Variants in PHF2 observed in about 807,000 individuals in gnomAD.
PHF2 encodes lysine-specific demethylase PHF2.
In PHF2, 27 loss-of-function variants were observed where a neutral mutation model predicts 120.5. That is an observed-to-expected ratio of 0.22 (90% CI 0.17 to 0.31). The LOEUF (loss-of-function observed/expected upper bound fraction) is 0.31. PHF2 is among the 10% of genes least tolerant of loss of function. The probability of loss-of-function intolerance (pLI) is 1.00; values close to 1 mark genes in which losing one functional copy is unlikely to be tolerated. For missense variants in PHF2, 1,024 were observed against 1,434.8 expected, an observed-to-expected ratio of 0.71 and a Z score of 4.63; for synonymous variants, 568 against 592.5, an observed-to-expected ratio of 0.96 and a Z score of 0.60.
intron 1 of PHF2, among the ~76,000 whole-genome samples, chr9:93,629,485 C>T (rs193260178): frequency 4.5e-4 from 68 of 152,196 alleles, no homozygotes; most frequent in Admixed American, 4.2e-3. Context: ...TGTCCTAAGG[C>T]CAGGCTGGTA....
chr9:93,607,134 G>A (rs1825555852), intron 1 of PHF2, among the ~76,000 whole-genome samples: 1 of 152,210 alleles, frequency 6.6e-6, no homozygotes, highest in Admixed American at 6.5e-5. Flanking sequence ...AAGTCATGGA[G>A]TGTCAGTCCT....
At chr9:93,587,770 T>G (rs72745445) in intron 1 of PHF2, among the ~76,000 whole-genome samples, 1 of 152,152 alleles carries the variant, frequency 6.6e-6, no homozygotes, top group Non-Finnish European at 1.5e-5. Flanking sequence ...AGTGTTGTTA[T>G]GTGACTCTCA....
At chr9:93,653,893 G>A (rs1194702785) in intron 6 of PHF2, among the ~76,000 whole-genome samples, 1 of 152,208 alleles carries the variant, frequency 6.6e-6, no homozygotes, top group East Asian at 1.9e-4. Context: ...ACCTGGATCT[G>A]GGGGCGGGCA....
Position 93,660,527 on chromosome 9 carries a change from A to G in PHF2, c.1665A>G (p.Ala555=). Residue 555 remains alanine, a synonymous_variant, in exon 12 of 22, where the codon GCA becomes GCG. Coordinates refer to ENST00000359246, the MANE Select transcript of PHF2 (RefSeq NM_005392.4). The part of the protein sequence containing the change: ...LDLLEAHTKE[A]LTKMEPPKKG... ...TGCTCGAAGCCCACACCAAGGAGGCACTGACCAAGATGGAGCCGCCCAAGA... is the reference window on the plus strand; with the variant it reads ...TGCTCGAAGCCCACACCAAGGAGGCGCTGACCAAGATGGAGCCGCCCAAGA... 6.3e-7 allele frequency: 1 copy of G among 1,591,460 alleles called. No individual in the cohort carries two copies.
At position 93,676,580 on chromosome 9, in the gene PHF2, T is replaced by C. The variant is rs1587725566; in HGVS notation, c.2833-14T>C. On this transcript the variant is annotated splice_polypyrimidine_tract_variant and intron_variant, in intron 20 of 21. Coordinates refer to ENST00000359246, the MANE Select transcript of PHF2 (RefSeq NM_005392.4). ...GCTGTGCGTCTGAGGCTGCCCTGCA[T>C]GTTTTGTTCAAAGGAGGAGCAGAAA... is the stretch of plus-strand genomic sequence containing the variant. 11 of 1,578,704 alleles carry C rather than the reference T, an allele frequency of 7.0e-6. No individual in the cohort carries two copies. In the East Asian group the frequency reaches 2.5e-4, roughly 36 times the overall value.
intron 5 of PHF2, 82 bp downstream of exon 5, chr9:93,649,294 A>G: frequency 8.4e-7 from 1 of 1,197,556 alleles, no homozygotes; most frequent in Non-Finnish European, 1.2e-6. Context: ...CCTGAGAAGC[A>G]CAGGTCGAAG....
intron 4 of PHF2, 67 bp downstream of exon 4, chr9:93,645,856 G>T: frequency 6.7e-7 from 1 of 1,483,648 alleles, no homozygotes. Flanking sequence ...CCACCACTGT[G>T]CATGCTGTTT....
At chr9:93,644,386 T>TG (rs1826217985) in intron 3 of PHF2, among the ~76,000 whole-genome samples, 1 of 92,660 alleles carries the variant, frequency 1.1e-5, no homozygotes, top group Non-Finnish European at 2.2e-5. Flanking sequence ...AAACTCCATC[T>TG]CAAAAAAAAA....
intron 1 of PHF2, among the ~76,000 whole-genome samples, chr9:93,617,549 C>T (rs1332668393): frequency 2.6e-5 from 4 of 152,224 alleles, no homozygotes; most frequent in Non-Finnish European, 2.9e-5. Flanking sequence ...CTGAATTCTA[C>T]ACTCCCCGCC....
chr9:93,673,316 G>A (rs745612720), intron 17 of PHF2, among the ~76,000 whole-genome samples: 5 of 151,984 alleles, frequency 3.3e-5, no homozygotes, highest in Admixed American at 6.6e-5. Context: ...GCTGTCTTCC[G>A]TCTCCTCTCC....
chr9:93,639,178 A>T (rs1826137973), intron 3 of PHF2, among the ~76,000 whole-genome samples: 1 of 152,212 alleles, frequency 6.6e-6, no homozygotes, highest in African/African-American at 2.4e-5. Context: ...TTTCCATCTT[A>T]ACAGTGTTAA....
intron 1 of PHF2, among the ~76,000 whole-genome samples, chr9:93,617,636 G>T (rs1402050819): frequency 6.6e-6 from 1 of 152,192 alleles, no homozygotes; most frequent in Non-Finnish European, 1.5e-5. Flanking sequence ...TAGAGGGACA[G>T]AACTAATAGA....
At chr9:93,659,741 T>G (rs1004557358) in intron 11 of PHF2, 141 bp downstream of exon 11, 9 of 735,864 alleles carry the variant, frequency 1.2e-5, no homozygotes, top group African/African-American at 3.5e-5. Context: ...TCCTTGCACT[T>G]TCCTGGGCAA....
intron 1 of PHF2, among the ~76,000 whole-genome samples, chr9:93,599,097 A>G (rs1298691268): frequency 1.3e-5 from 2 of 151,924 alleles, no homozygotes; most frequent in Non-Finnish European, 2.9e-5. Flanking sequence ...GTCCATCTCC[A>G]TGGGTGTGGC....
chr9:93,653,251 T>C lies in PHF2; in HGVS notation c.675T>C (p.Asp225=), dbSNP rs1261714876. The C allele has an allele frequency of 3.7e-6, 6 of 1,614,038 alleles. No homozygotes were observed. Among genetic ancestry groups the C allele is most frequent in the African/African-American group, 1.3e-5 (1 of 74,946 alleles). Residue 225 remains aspartate (D), a synonymous_variant, in exon 6 of 22, where the codon GAT becomes GAC. Coordinates refer to ENST00000359246, the MANE Select transcript of PHF2 (RefSeq NM_005392.4). The part of the protein sequence containing the change: ...LSWVENYWPD[D]ALLAKPKVTK... Reference sequence around the variant, plus strand: ...GGGTAGAAAACTACTGGCCAGATGATGCATTGCTGGCCAAGCCCAAAGTGA... The same window carrying C: ...GGGTAGAAAACTACTGGCCAGATGACGCATTGCTGGCCAAGCCCAAAGTGA...
At chr9:93,654,303 G>A in intron 6 of PHF2, 110 bp from the exon 7 acceptor site, 2 of 928,418 alleles carry the variant, frequency 2.2e-6, no homozygotes, top group South Asian at 1.5e-5. Context: ...AGTGTTGCAG[G>A]CGGGAGTCGT....
intron 17 of PHF2, among the ~76,000 whole-genome samples, chr9:93,671,736 A>G (rs1479688120): frequency 6.4e-4 from 56 of 87,302 alleles, no homozygotes; most frequent in East Asian, 1.3e-3. Context: ...GTGGGTGTGG[A>G]TGTAGGTACA....
intron 12 of PHF2, among the ~76,000 whole-genome samples, chr9:93,662,509 T>G (rs1826589509): frequency 1.3e-5 from 2 of 149,210 alleles, no homozygotes; most frequent in African/African-American, 2.5e-5. Context: ...ATGAATGGGA[T>G]GAACGAATGG....
At chr9:93,577,044 C>G (rs1213259756) in intron 1 of PHF2, among the ~76,000 whole-genome samples, 173 bp downstream of exon 1, 21 of 146,174 alleles carry the variant, frequency 1.4e-4, no homozygotes, top group Non-Finnish European at 3.2e-4. Flanking sequence ...GCCGCGCGCC[C>G]TTTTGTGCCC....
Sources: gnomAD v4.1 joint callset for allele counts (sites outside exome capture counted in the v4.1 genomes callset) on GRCh38, gnomAD v4.1.1 for gene constraint, MANE v1.5 for transcripts, NCBI Gene and HGNC (gene_info 2026-07-23, HGNC 2026-07-21) for gene names.